The following PTPRD variants were observed in gnomAD, a reference collection of about 807,000 sequenced individuals.
The protein encoded by PTPRD is protein tyrosine phosphatase receptor type D.
Under a neutral mutation model 214.5 loss-of-function variants are expected in PTPRD, and 34 were observed. The observed-to-expected ratio is 0.16, with a 90% confidence interval of 0.12 to 0.21. The LOEUF is 0.21. Among genes scored for constraint, PTPRD ranks in the 10% least tolerant of loss-of-function variants. PTPRD has a pLI of 1.00. For synonymous variants in PTPRD, 1,128 were observed against 845.7 expected, an observed-to-expected ratio of 1.33 and a Z score of -5.79; for missense variants, 2,545 against 2,398.7, an observed-to-expected ratio of 1.06 and a Z score of -1.27.
intron 3 of PTPRD, among the ~76,000 whole-genome samples, chr9:10,121,390 A>T (rs1332935171): frequency 6.6e-6 from 1 of 152,192 alleles, no homozygotes; most frequent in African/African-American, 2.4e-5. Context: ...TAAAATTAAA[A>T]TAGGCAAATA....
chr9:10,024,877 G>A (rs2096892759), intron 4 of PTPRD, among the ~76,000 whole-genome samples: 1 of 148,242 alleles, frequency 6.7e-6, no homozygotes, highest in Admixed American at 6.9e-5. Context: ...GAGAACATGC[G>A]GTGTTTGGTT....
At chr9:8,799,351 A>G (rs1408069025) in intron 11 of PTPRD, among the ~76,000 whole-genome samples, 1 of 152,372 alleles carries the variant, frequency 6.6e-6, no homozygotes, top group Non-Finnish European at 1.5e-5. Context: ...GAGGCAGCTT[A>G]GAATTCATTA....
chr9:10,091,845 G>C (rs978012986), intron 3 of PTPRD, among the ~76,000 whole-genome samples: 1 of 151,330 alleles, frequency 6.6e-6, no homozygotes, highest in Non-Finnish European at 1.5e-5. Context: ...TAAGAAACAA[G>C]TTCAAAAGAA....
At chr9:8,429,110 G>GT (rs1448765288) in intron 35 of PTPRD, among the ~76,000 whole-genome samples, 3 of 152,182 alleles carry the variant, frequency 2.0e-5, no homozygotes, top group African/African-American at 7.2e-5. Flanking sequence ...ATGGAAATTG[G>GT]TAACTATGAC....
At chr9:9,887,258 C>A (rs1000819941) in intron 5 of PTPRD, among the ~76,000 whole-genome samples, 5 of 152,036 alleles carry the variant, frequency 3.3e-5, no homozygotes, top group African/African-American at 1.2e-4. Context: ...ACCAATAAAC[C>A]ATGAAAATTT....
chr9:9,348,356 A>T (rs548115703), intron 9 of PTPRD, among the ~76,000 whole-genome samples: 8 of 152,228 alleles, frequency 5.3e-5, no homozygotes, highest in African/African-American at 1.9e-4. Flanking sequence ...GCTTTCCTCC[A>T]ACATTTATTT....
chr9:10,330,242 G>T (rs1279331825), intron 3 of PTPRD, among the ~76,000 whole-genome samples: 1 of 151,744 alleles, frequency 6.6e-6, no homozygotes, highest in Non-Finnish European at 1.5e-5. Flanking sequence ...GCTAATGATG[G>T]TGTATTCCAA....
At chr9:10,095,030 A>T (rs1200063174) in intron 3 of PTPRD, among the ~76,000 whole-genome samples, 1 of 151,398 alleles carries the variant, frequency 6.6e-6, no homozygotes, top group Non-Finnish European at 1.5e-5. Flanking sequence ...TTACAACCTT[A>T]AGGTGTCAGC....
intron 5 of PTPRD, among the ~76,000 whole-genome samples, chr9:9,804,178 T>G (rs1237054753): frequency 6.6e-6 from 1 of 152,128 alleles, no homozygotes; most frequent in African/African-American, 2.4e-5. Flanking sequence ...GTCTCATCCC[T>G]CTACATTTCC....
chr9:8,733,634 G>A (rs1481736227), intron 12 of PTPRD, 146 bp downstream of exon 12: 5 of 773,342 alleles, frequency 6.5e-6, no homozygotes, highest in African/African-American at 3.5e-5. Flanking sequence ...TCTTTCAAAG[G>A]CTGGCTGGTA....
At chr9:8,599,463 C>T (rs528128076) in intron 14 of PTPRD, among the ~76,000 whole-genome samples, 3 of 152,142 alleles carry the variant, frequency 2.0e-5, no homozygotes, top group South Asian at 4.1e-4. Flanking sequence ...CTGATGCAAA[C>T]AATAACTCTG....
chr9:8,520,834 G>C (rs895415747), intron 20 of PTPRD, among the ~76,000 whole-genome samples: 16 of 152,052 alleles, frequency 1.1e-4, no homozygotes, highest in Non-Finnish European at 2.4e-4. Flanking sequence ...TCTATTACTA[G>C]ACTATGTTGA....
chr9:9,168,945 T>C (rs1005732692), intron 10 of PTPRD, among the ~76,000 whole-genome samples: 3 of 151,782 alleles, frequency 2.0e-5, no homozygotes, highest in African/African-American at 7.2e-5. Context: ...CCTGTCTCTG[T>C]ATAATAAAAA....
At chr9:8,933,339 GGTTTTTTTT>G (rs2098966541) in intron 11 of PTPRD, among the ~76,000 whole-genome samples, 3 of 68,828 alleles carry the variant, frequency 4.4e-5, no homozygotes, top group African/African-American at 3.0e-4. Context: ...ACAACCTTGA[GGTTTTTTTT>G]TTTTTTTTTT....
At chr9:8,817,986 A>G (rs1350515958) in intron 11 of PTPRD, among the ~76,000 whole-genome samples, 3 of 152,184 alleles carry the variant, frequency 2.0e-5, no homozygotes. Context: ...AAATTTTACA[A>G]CCTGAGCTTC....
rs80338058 is a variant in PTPRD at position 10,071,469 on chromosome 9, C to T, written c.-544-37679G>A. ...AATACAGAGTTCAGAAATAGACCTA[C>T]ACAAATATAGTCAACCCATCTTTGA... On this transcript the variant is annotated intron_variant, in intron 3 of 45. Transcript: ENST00000381196. 9.2e-5 allele frequency among the ~76,000 whole-genome samples: 14 copies of T among 152,076 alleles called. No homozygotes were observed. The East Asian group carries it at 2.7e-3, about 30-fold the overall frequency.
intron 5 of PTPRD, among the ~76,000 whole-genome samples, chr9:9,770,298 A>G (rs780466260): frequency 6.6e-6 from 1 of 152,218 alleles, no homozygotes; most frequent in Non-Finnish European, 1.5e-5. Context: ...AATGATTGCC[A>G]TTCTTACAGC....
At chr9:9,848,463 A>C (rs1176224348) in intron 5 of PTPRD, among the ~76,000 whole-genome samples, 1 of 152,158 alleles carries the variant, frequency 6.6e-6, no homozygotes, top group Non-Finnish European at 1.5e-5. Context: ...ATCCATTAAT[A>C]AGCATTTACA....
intron 9 of PTPRD, among the ~76,000 whole-genome samples, chr9:9,296,477 T>C (rs957890701): frequency 6.6e-6 from 1 of 151,834 alleles, no homozygotes; most frequent in Non-Finnish European, 1.5e-5. Context: ...TAGCAATGCA[T>C]TATTTTAATT....
Sources: gnomAD v4.1 joint callset for allele counts (sites outside exome capture counted in the v4.1 genomes callset) on GRCh38, gnomAD v4.1.1 for gene constraint, MANE v1.5 for transcripts, NCBI Gene and HGNC (gene_info 2026-07-23, HGNC 2026-07-21) for gene names.